CELF2: variants seen among roughly 807,000 people sequenced by gnomAD.
CELF2 encodes the protein CUGBP Elav-like family member 2.
A neutral mutation model predicts 62.6 loss-of-function variants in CELF2; 8 were observed. The ratio of observed to expected loss-of-function variants is 0.13; its 90% CI spans 0.07 to 0.23. The LOEUF is 0.23. CELF2 is among the 10% of genes least tolerant of loss of function. The pLI is 1.00. For missense variants in CELF2, 333 were observed against 671.0 expected, an observed-to-expected ratio of 0.50 and a Z score of 5.56; for synonymous variants, 258 against 250.0, an observed-to-expected ratio of 1.03 and a Z score of -0.30.
At chr10:10,689,416 T>G in the CELF2 span, among the ~76,000 whole-genome samples, 43,465 of 151,974 alleles carry the variant, frequency 0.29, 6,410 homozygotes, top group South Asian at 0.48. Context: ...CCCCAACACT[T>G]AGGATTACAA....
chr10:10,634,412 C>G, the CELF2 span, among the ~76,000 whole-genome samples: 4 of 152,080 alleles, frequency 2.6e-5, no homozygotes, highest in African/African-American at 7.2e-5. Flanking sequence ...CACTAGGCAT[C>G]TTACACCACT....
the CELF2 span, among the ~76,000 whole-genome samples, chr10:10,590,080 T>G: frequency 6.6e-6 from 1 of 151,708 alleles, no homozygotes; most frequent in Non-Finnish European, 1.5e-5. Flanking sequence ...TGTCTGGGGG[T>G]TTTATTTGCC....
intron 1 of CELF2, among the ~76,000 whole-genome samples, chr10:10,887,728 C>A (rs927209150): frequency 5.3e-5 from 8 of 151,542 alleles, no homozygotes; most frequent in African/African-American, 1.9e-4. Flanking sequence ...GTCTGGGAAA[C>A]TTTTCAGAGG....
intron 1 of CELF2, among the ~76,000 whole-genome samples, chr10:10,832,074 C>A (rs544622686): frequency 6.6e-6 from 1 of 151,894 alleles, no homozygotes; most frequent in South Asian, 2.1e-4. Flanking sequence ...TCGAGACTAT[C>A]CTGGCCAACG....
rs57343161 is a variant in CELF2 at position 11,232,803 on chromosome 10, G to A, written c.354+15296G>A. ...CATTCATGGATGGGAGAAGAAAAATGGCAGAGCATGCTGCATATGTGGCGG... is the reference window on the plus strand; with the variant it reads ...CATTCATGGATGGGAGAAGAAAAATAGCAGAGCATGCTGCATATGTGGCGG... On this transcript the variant is annotated intron_variant, in intron 3 of 12. Coordinates refer to ENST00000633077, the MANE Select transcript of CELF2 (RefSeq NM_001326342.2). Among the ~76,000 whole-genome samples the A allele has an allele frequency of 4.6e-3, 706 of 152,282 alleles. 11 individuals are homozygous for A. Among genetic ancestry groups the A allele is most frequent in the African/African-American group, 0.016 (677 of 41,548 alleles).
At chr10:11,041,712 A>C (rs1045545705) in intron 1 of CELF2, among the ~76,000 whole-genome samples, 2 of 152,130 alleles carry the variant, frequency 1.3e-5, no homozygotes, top group African/African-American at 4.8e-5. Context: ...AGATGGGTCC[A>C]TTTTCATGCT....
chr10:10,964,663 A>G (rs548155293), intron 2 of CELF2, among the ~76,000 whole-genome samples: 2 of 152,340 alleles, frequency 1.3e-5, no homozygotes, highest in Admixed American at 6.5e-5. Context: ...ATACATCTAC[A>G]GAAAGAATAA....
At chr10:11,141,007 C>A (rs904846321) in intron 1 of CELF2, among the ~76,000 whole-genome samples, 4 of 152,146 alleles carry the variant, frequency 2.6e-5, no homozygotes, top group African/African-American at 9.7e-5. Context: ...CAGAAGGAGA[C>A]CCTGTCTTAA....
At chr10:10,712,147 CAAAAAAAAAAAAA>C in the CELF2 span, among the ~76,000 whole-genome samples, 1,451 of 43,442 alleles carry the variant, frequency 0.033, 61 homozygotes, top group African/African-American at 0.1. Context: ...AGGATAGAGA[CAAAAAAAAAAAAA>C]AAAAAAAAAA....
At chr10:11,176,036 A>G (rs115547618) in intron 2 of CELF2, among the ~76,000 whole-genome samples, 1,741 of 152,330 alleles carry the variant, frequency 0.011, 35 homozygotes, top group African/African-American at 0.039. Context: ...TCTGTTTAGC[A>G]GAGAATGCGC....
At chr10:11,293,327 T>C (rs1349343299) in intron 9 of CELF2, among the ~76,000 whole-genome samples, 1 of 152,270 alleles carries the variant, frequency 6.6e-6, no homozygotes, top group Non-Finnish European at 1.5e-5. Flanking sequence ...GCTTCTGTAA[T>C]TTACACTATA....
intron 3 of CELF2, among the ~76,000 whole-genome samples, chr10:11,226,449 G>A (rs79044562): frequency 0.059 from 9,055 of 152,254 alleles, 383 homozygotes; most frequent in African/African-American, 0.12. Flanking sequence ...CTGTCACAAG[G>A]TAAATCTAAA....
intron 2 of CELF2, among the ~76,000 whole-genome samples, chr10:11,166,218 G>A (rs2067130655): frequency 6.6e-6 from 1 of 152,208 alleles, no homozygotes; most frequent in African/African-American, 2.4e-5. Flanking sequence ...GGTCAGGTGG[G>A]GACCGTGAGG....
At chr10:10,937,568 A>C (rs916023206) in intron 2 of CELF2, 4 of 152,170 alleles carry the variant, frequency 2.6e-5, no homozygotes, top group African/African-American at 7.2e-5. Flanking sequence ...AATCCTGTGG[A>C]TTGAAAAGAA....
chr10:11,027,168 G>T (rs746519615), intron 1 of CELF2, among the ~76,000 whole-genome samples: 1 of 152,186 alleles, frequency 6.6e-6, no homozygotes, highest in Admixed American at 6.5e-5. Context: ...CCTTTGAGAA[G>T]CCTGAATGCT....
intron 1 of CELF2, among the ~76,000 whole-genome samples, chr10:10,890,962 C>T (rs185674633): frequency 1.2e-4 from 18 of 152,136 alleles, no homozygotes; most frequent in Non-Finnish European, 2.6e-4. Flanking sequence ...TTGCAGTGAG[C>T]CGAGACTGCA....
intron 2 of CELF2, among the ~76,000 whole-genome samples, chr10:11,190,752 C>A (rs1388012440): frequency 8.8e-6 from 1 of 113,578 alleles, no homozygotes; most frequent in Non-Finnish European, 1.7e-5. Flanking sequence ...CTCTCAGTGG[C>A]TGGGTTTTGT....
rs1200245521 is a variant in CELF2, at chr10:11,159,982, G to A, written c.75-5504G>A. On this transcript the variant is annotated intron_variant, in intron 1 of 12. Coordinates refer to ENST00000633077, the MANE Select transcript of CELF2 (RefSeq NM_001326342.2). The surrounding 1 kb of genome is among the most constrained non-coding windows in gnomAD (Gnocchi z 5.0). ...CACCCCAATTAACCGGCCACTCAGC[G>A]GCCTGTCGGAGCCTCCAGGCTACTC... 1.3e-5 allele frequency among the ~76,000 whole-genome samples: 2 copies of A among 152,160 alleles called. No homozygotes were observed. The highest frequency in any genetic ancestry group is 6.5e-5 in the Admixed American group (1 of 15,292).
At chr10:11,153,104 C>T (rs1192847654) in intron 1 of CELF2, among the ~76,000 whole-genome samples, 4 of 152,168 alleles carry the variant, frequency 2.6e-5, no homozygotes, top group Admixed American at 6.5e-5. Context: ...CATTTAGAGC[C>T]GTTGGCTCAT....
Sources: gnomAD v4.1 joint callset for allele counts (sites outside exome capture counted in the v4.1 genomes callset) on GRCh38, gnomAD v4.1.1 for gene constraint, Gnocchi (gnomAD v3.1) non-coding constraint, MANE v1.5 for transcripts, NCBI Gene and HGNC (gene_info 2026-07-23, HGNC 2026-07-21) for gene names.